MYEF2: variants seen among roughly 807,000 people sequenced by gnomAD.
MYEF2 encodes the protein myelin gene expression factor 2.
A neutral mutation model predicts 75.2 loss-of-function variants in MYEF2; 37 were observed. The ratio of observed to expected loss-of-function variants is 0.49; its 90% CI spans 0.38 to 0.65. The LOEUF (loss-of-function observed/expected upper bound fraction) is 0.65. MYEF2 is among the 30% of genes least tolerant of loss of function. The pLI is 0.00. For missense variants in MYEF2, 634 were observed against 771.4 expected (o/e 0.82, Z 2.11); for synonymous variants, 195 against 241.6 (o/e 0.81, Z 1.79).
At chr15:48,177,798 G>C (rs1029609876) in intron 1 of MYEF2, among the ~76,000 whole-genome samples, 2 of 152,202 alleles carry the variant, frequency 1.3e-5, no homozygotes, top group African/African-American at 4.8e-5. Flanking sequence ...CAAAGTCAGG[G>C]AAGAGGGGTG....
At chr15:48,152,179 T>C in intron 11 of MYEF2, 55 bp downstream of exon 11, 3 of 1,463,296 alleles carry the variant, frequency 2.1e-6, no homozygotes, top group Non-Finnish European at 2.9e-6. Context: ...ACACAGTTTC[T>C]AGTTTATTAA....
rs2040170142 is a variant in MYEF2, at chr15:48,167,340, A to G, written c.423+9T>C. The G allele has an allele frequency of 1.2e-6, 2 of 1,612,946 alleles. No individual in the cohort carries two copies. Among genetic ancestry groups the G allele is most frequent in the Non-Finnish European group, 1.7e-6 (2 of 1,179,028 alleles). ...AAACCTCAAGCAGATTATTGCCCACAGCACTTACCCTTGATTTTCCTTCCG... is the reference window on the plus strand; with the variant it reads ...AAACCTCAAGCAGATTATTGCCCACGGCACTTACCCTTGATTTTCCTTCCG... On this transcript the variant is annotated intron_variant, in intron 3 of 16. Transcript: ENST00000324324.
At position 48,142,263 on chromosome 15, in the gene MYEF2, T is replaced by A. The variant is rs747586461; in HGVS notation, c.*645A>T. On this transcript the variant is annotated 3_prime_UTR_variant, in exon 17 of 17. Transcript: ENST00000324324. ...GACAGAAAGTTGGGAATAGTCTGCC[T>A]ATTATCATACTTGGGGCTTGCTACA... 2.2e-5 allele frequency: 36 copies of A among 1,613,646 alleles called. No homozygotes were observed. Among genetic ancestry groups the A allele is most frequent in the Non-Finnish European group, 3.0e-5 (35 of 1,179,778 alleles).
intron 13 of MYEF2, 39 bp downstream of exon 13, chr15:48,151,434 C>T: frequency 6.4e-7 from 1 of 1,556,278 alleles, no homozygotes; most frequent in Non-Finnish European, 8.9e-7. Context: ...AAAATTATAG[C>T]CTACAAAAAG....
At chr15:48,158,503 C>T (rs2039794811) in intron 7 of MYEF2, among the ~76,000 whole-genome samples, 1 of 152,096 alleles carries the variant, frequency 6.6e-6, no homozygotes, top group African/African-American at 2.4e-5. Context: ...ATAGATTACA[C>T]AATTGTTAAA....
Position 48,139,176 on chromosome 15 carries a change from G to A in MYEF2, c.*3732C>T, listed in dbSNP as rs1450652793. On this transcript the variant is annotated 3_prime_UTR_variant, in exon 17 of 17. Coordinates refer to ENST00000324324, the MANE Select transcript of MYEF2 (RefSeq NM_016132.5). ...CTGGTTTGGATGGTCACAATAACTG[G>A]TATGTATTTTAAGTACAATAGCACA... The A allele has an allele frequency of 2.5e-5, 40 of 1,605,400 alleles. No individual in the cohort carries two copies. The highest frequency in any genetic ancestry group is 3.3e-5 in the Non-Finnish European group (39 of 1,173,930).
At chr15:48,168,487 A>T (rs2040210515) in intron 2 of MYEF2, 144 bp downstream of exon 2, 2 of 650,118 alleles carry the variant, frequency 3.1e-6, no homozygotes, top group South Asian at 2.1e-5. Flanking sequence ...AAGAGAAAGA[A>T]GAGGAAAAGA....
Position 48,139,136 on chromosome 15 carries a change from G to A in MYEF2, c.*3772C>T, listed in dbSNP as rs374686603. Reference sequence around the variant, plus strand: ...TTTCATGTCTGCAATATGGATATCCGCATTTACATATATCCTGGTTTGGAT... The same window carrying A: ...TTTCATGTCTGCAATATGGATATCCACATTTACATATATCCTGGTTTGGAT... On this transcript the variant is annotated 3_prime_UTR_variant, in exon 17 of 17. Coordinates refer to ENST00000324324, the MANE Select transcript of MYEF2 (RefSeq NM_016132.5). The A allele has an allele frequency of 3.5e-5, 57 of 1,612,508 alleles. No individual in the cohort carries two copies. The highest frequency in any genetic ancestry group is 1.7e-4 in the Middle Eastern group (1 of 5,944).
rs755657056 is a variant in MYEF2 at position 48,153,756 on chromosome 15, T to G, written c.1087+36A>C. ...GAGGCTTTATTAGCTAGCATATGTA[T>G]CATTTAAAAAGAAAAGAGGAAGTTA... is the stretch of plus-strand genomic sequence containing the variant. On this transcript the variant is annotated intron_variant, in intron 10 of 16. Coordinates refer to ENST00000324324, the MANE Select transcript of MYEF2 (RefSeq NM_016132.5). 28 of 1,530,766 alleles carry G rather than the reference T, an allele frequency of 1.8e-5. No individual in the cohort carries two copies. The South Asian group carries it at 3.0e-4, about 17-fold the overall frequency. The allele number at this position is 1,530,766 out of a possible 1,614,324, so 94.8% of individuals were successfully genotyped here.
At chr15:48,164,101 G>A (rs980192802) in intron 5 of MYEF2, among the ~76,000 whole-genome samples, 1 of 152,180 alleles carries the variant, frequency 6.6e-6, no homozygotes, top group Non-Finnish European at 1.5e-5. Context: ...TGCTGTCATA[G>A]ACAGTGATTC....
intron 1 of MYEF2, among the ~76,000 whole-genome samples, chr15:48,173,578 T>C (rs1323160527): frequency 6.6e-6 from 1 of 152,102 alleles, no homozygotes; most frequent in South Asian, 2.1e-4. Flanking sequence ...GAAGATGTGA[T>C]CTTATATAGA....
rs962083491 is a variant in MYEF2, at chr15:48,178,124, C to A, written c.114G>T (p.Ala38=). ...TGCTGTGCTGCGGCTGCTGCTTCTC[C>A]GCCTCCGCGGGGTGCGGCTCTCGCC... is the stretch of plus-strand genomic sequence containing the variant. ...EPRREPHPAE[A]EKQQPQHSSS... is the part of the protein sequence containing the mutation. The change falls in exon 1 of 17, where the codon GCG becomes GCT. Residue 38 remains alanine (A), a synonymous_variant. Transcript: ENST00000324324. The A allele has an allele frequency of 6.3e-7, 1 of 1,592,250 alleles. No homozygotes were observed. The highest frequency in any genetic ancestry group is 2.3e-5 in the East Asian group (1 of 43,296).
At position 48,177,871 on chromosome 15, in the gene MYEF2, C is replaced by G. The variant is rs545694150; in HGVS notation, c.161+206G>C. ...GTCCCCGGGCCCCCAGCCCCGGCTC[C>G]CAGACCACAGGCGGCCAGGCCTGGG... On this transcript the variant is annotated intron_variant, in intron 1 of 16. Transcript: ENST00000324324. 3.3e-5 allele frequency among the ~76,000 whole-genome samples: 5 copies of G among 152,296 alleles called. No homozygotes were observed. The East Asian group carries it at 7.8e-4, about 24-fold the overall frequency.
At position 48,140,559 on chromosome 15, in the gene MYEF2, A is replaced by AAC. The variant is rs1466678670; in HGVS notation, c.*2348_*2349insGT. 142 of 152,404 alleles carry AAC rather than the reference A, an allele frequency of 9.3e-4. 1 individual carries two copies. The highest frequency in any genetic ancestry group is 3.4e-3 in the African/African-American group (140 of 41,572). 9.4% of individuals were successfully genotyped at this position (152,404 alleles called of 1,614,324 possible). ...TATTAATAAATTGGGACCATATGTTAGACTCAAGTAGAAAACAGGTTTTGT... is the reference window on the plus strand; with the variant it reads ...TATTAATAAATTGGGACCATATGTTAACGACTCAAGTAGAAAACAGGTTTTGT... On this transcript the variant is annotated 3_prime_UTR_variant, in exon 17 of 17. Transcript: ENST00000324324.
chr15:48,166,879 A>T (rs1011700514), intron 3 of MYEF2, among the ~76,000 whole-genome samples: 8 of 152,088 alleles, frequency 5.3e-5, no homozygotes, highest in Non-Finnish European at 1.0e-4. Flanking sequence ...ATATAATCGT[A>T]AATGTCATTC....
chr15:48,143,295 T>C (rs1468724018), intron 16 of MYEF2, among the ~76,000 whole-genome samples: 1 of 152,134 alleles, frequency 6.6e-6, no homozygotes, highest in Non-Finnish European at 1.5e-5. Context: ...GGAAAGATTT[T>C]CTTAGGATTT....
chr15:48,163,032 G>T (rs1253648821), intron 5 of MYEF2: 6 of 152,132 alleles, frequency 3.9e-5, no homozygotes, highest in African/African-American at 1.4e-4. Flanking sequence ...AGTGAGGAAG[G>T]CATGTCAAAA....
At chr15:48,158,095 C>A in intron 8 of MYEF2, 39 bp from the exon 9 acceptor site, 1 of 1,608,656 alleles carries the variant, frequency 6.2e-7, no homozygotes, top group Non-Finnish European at 8.5e-7. Flanking sequence ...TAACATATTA[C>A]CACAAAGAAC....
chr15:48,134,963 T>C lies in MYEF2; in HGVS notation c.*7945A>G, dbSNP rs780176538. 2.5e-6 allele frequency: 4 copies of C among 1,610,004 alleles called. No individual in the cohort carries two copies. In the East Asian group the frequency reaches 6.7e-5, roughly 27 times the overall value. On this transcript the variant is annotated 3_prime_UTR_variant, in exon 17 of 17. Transcript: ENST00000324324. ...AGTGCAGCAGCAGTTCTTGGTATAA[T>C]ATATGACAACCAAGTTTACTGGTAA...
Sources: allele counts gnomAD v4.1 joint callset (sites outside exome capture counted in the v4.1 genomes callset), GRCh38; gene constraint gnomAD v4.1.1; transcripts MANE v1.5; gene names NCBI Gene and HGNC (gene_info 2026-07-23, HGNC 2026-07-21).